Variants in CSMD3 observed in about 807,000 individuals in gnomAD.
CSMD3 encodes the protein CUB and Sushi multiple domains 3.
A neutral mutation model predicts 435.2 loss-of-function variants in CSMD3; 177 were observed. That is an observed-to-expected ratio of 0.41 (90% CI 0.36 to 0.46). CSMD3 has a LOEUF of 0.46. Among genes scored for constraint, CSMD3 ranks in the 20% least tolerant of loss-of-function variants. The pLI is 0.34. For missense variants in CSMD3, 4,265 were observed against 4,504.6 expected, an observed-to-expected ratio of 0.95 and a Z score of 1.52; for synonymous variants, 1,656 against 1,520.5, an observed-to-expected ratio of 1.09 and a Z score of -2.07.
At chr8:112,329,782 G>C (rs565484268) in intron 45 of CSMD3, among the ~76,000 whole-genome samples, 6 of 152,186 alleles carry the variant, frequency 3.9e-5, no homozygotes, top group Middle Eastern at 3.4e-3. Context: ...TAGTAATTTT[G>C]ACATGACTTT....
chr8:112,275,839 G>C (rs62514389), intron 59 of CSMD3, among the ~76,000 whole-genome samples: 29,923 of 152,084 alleles, frequency 0.2, 3,604 homozygotes, highest in East Asian at 0.36. Context: ...GATGAGATTT[G>C]GTTGGGGCTA....
chr8:112,969,272 C>T (rs916243470), intron 7 of CSMD3, among the ~76,000 whole-genome samples: 1 of 151,828 alleles, frequency 6.6e-6, no homozygotes, highest in African/African-American at 2.4e-5. Flanking sequence ...ATTATGGTAA[C>T]AATAAAAAAT....
intron 1 of CSMD3, among the ~76,000 whole-genome samples, chr8:113,316,018 C>T (rs564051437): frequency 5.9e-5 from 9 of 152,024 alleles, no homozygotes; most frequent in Non-Finnish European, 1.2e-4. Context: ...CATGCCTGGC[C>T]TCTTCAAATA....
At chr8:113,407,337 G>T (rs2094537110) in intron 1 of CSMD3, among the ~76,000 whole-genome samples, 1 of 152,092 alleles carries the variant, frequency 6.6e-6, no homozygotes, top group Non-Finnish European at 1.5e-5. Flanking sequence ...CTTTTGAACT[G>T]TACTTCACTG....
At chr8:113,251,242 A>T (rs553900935) in intron 3 of CSMD3, among the ~76,000 whole-genome samples, 170 of 152,168 alleles carry the variant, frequency 1.1e-3, no homozygotes, top group Non-Finnish European at 2.0e-3. Flanking sequence ...CTCATTCATG[A>T]TAATGGAGAA....
intron 32 of CSMD3, among the ~76,000 whole-genome samples, chr8:112,447,621 A>G (rs1276703647): frequency 6.6e-6 from 1 of 152,160 alleles, no homozygotes. Flanking sequence ...GGACCTAGCT[A>G]TCTGGAAATA....
intron 5 of CSMD3, among the ~76,000 whole-genome samples, chr8:113,062,118 T>C (rs1343547928): frequency 1.3e-5 from 2 of 151,890 alleles, no homozygotes; most frequent in African/African-American, 2.4e-5. Flanking sequence ...TTTAAAGATA[T>C]CTTGTCCACA....
intron 5 of CSMD3, among the ~76,000 whole-genome samples, chr8:113,080,500 T>C (rs922865662): frequency 6.6e-6 from 1 of 152,148 alleles, no homozygotes; most frequent in Non-Finnish European, 1.5e-5. Context: ...GAGTTATCTA[T>C]CTAACAGAGG....
intron 1 of CSMD3, among the ~76,000 whole-genome samples, chr8:113,410,730 C>T (rs566303613): frequency 9.1e-6 from 1 of 110,328 alleles, no homozygotes; most frequent in South Asian, 3.5e-4. Flanking sequence ...AGTGAGACCT[C>T]ATCTGTACTG....
chr8:113,314,816 G>T lies in CSMD3; in HGVS notation c.179-23C>A, dbSNP rs4598282. On this transcript the variant is annotated intron_variant, in intron 1 of 70. Coordinates refer to ENST00000297405, the MANE Select transcript of CSMD3 (RefSeq NM_198123.2). ...ATCCTGCAACAAAAGACAATAAACA[G>T]ACATTAATATTATATAAATCAAGAA... is the stretch of plus-strand genomic sequence containing the variant. 2.9e-5 allele frequency: 39 copies of T among 1,356,542 alleles called. 1 individual carries two copies. The South Asian group carries it at 3.5e-4, about 12-fold the overall frequency. 84.0% of individuals were successfully genotyped at this position (1,356,542 alleles called of 1,614,324 possible). A position where few individuals can be genotyped will look rare whatever the true frequency, so the allele number is the denominator to read the frequency against.
At chr8:112,818,665 T>C (rs1183983352) in intron 12 of CSMD3, among the ~76,000 whole-genome samples, 2 of 152,174 alleles carry the variant, frequency 1.3e-5, no homozygotes, top group African/African-American at 4.8e-5. Context: ...ATGGGCCCCT[T>C]CTCTGATTCT....
At chr8:112,717,562 G>A (rs1201372832) in intron 13 of CSMD3, among the ~76,000 whole-genome samples, 2 of 152,100 alleles carry the variant, frequency 1.3e-5, no homozygotes, top group African/African-American at 2.4e-5. Flanking sequence ...CCATTACTGG[G>A]TATATACCCA....
At chr8:112,699,506 G>A (rs937147136) in intron 13 of CSMD3, among the ~76,000 whole-genome samples, 2 of 152,178 alleles carry the variant, frequency 1.3e-5, no homozygotes, top group Non-Finnish European at 2.9e-5. Context: ...CCATCACAGT[G>A]GTTGTGGATT....
At position 112,519,856 on chromosome 8, in the gene CSMD3, AG is replaced by A. The variant is rs373966270; in HGVS notation, c.4565-2632del. On this transcript the variant is annotated intron_variant, in intron 27 of 70. Coordinates refer to ENST00000297405, the MANE Select transcript of CSMD3 (RefSeq NM_198123.2). ...ATCCAAGGGACATTTTTGAAATAAA[AG>A]TCATAAAGCCTTTGTAATAAAATGT... is the stretch of plus-strand genomic sequence containing the variant. Among the ~76,000 whole-genome samples, 618 of 152,278 alleles carry A rather than the reference AG, an allele frequency of 4.1e-3. 3 individuals carry two copies. The highest frequency in any genetic ancestry group is 0.014 in the African/African-American group (584 of 41,566).
chr8:112,980,307 A>G (rs968767818), intron 6 of CSMD3, among the ~76,000 whole-genome samples: 2 of 151,152 alleles, frequency 1.3e-5, no homozygotes, highest in African/African-American at 4.8e-5. Context: ...AAAAATAACT[A>G]CATATTCAAA....
At chr8:113,415,610 A>AT in intron 1 of CSMD3, among the ~76,000 whole-genome samples, 1 of 152,276 alleles carries the variant, frequency 6.6e-6, no homozygotes, top group Non-Finnish European at 1.5e-5. Context: ...TGTTGGCATA[A>AT]TTTTCCTAGC....
At chr8:112,340,421 T>G (rs923153150) in intron 42 of CSMD3, among the ~76,000 whole-genome samples, 2 of 152,166 alleles carry the variant, frequency 1.3e-5, no homozygotes, top group Non-Finnish European at 2.9e-5. Context: ...AAGACCTATC[T>G]CTATCTTAAC....
chr8:112,983,991 C>G (rs1192961814), intron 6 of CSMD3, among the ~76,000 whole-genome samples: 1 of 151,760 alleles, frequency 6.6e-6, no homozygotes, highest in African/African-American at 2.4e-5. Flanking sequence ...TATTCTGTAG[C>G]AGCAAATTAA....
chr8:112,476,008 T>C (rs1020014783), intron 31 of CSMD3, among the ~76,000 whole-genome samples: 1 of 152,176 alleles, frequency 6.6e-6, no homozygotes, highest in South Asian at 2.1e-4. Context: ...TTATAACTTA[T>C]GTAGTTAATA....
Sources: gnomAD v4.1 joint callset for allele counts (sites outside exome capture counted in the v4.1 genomes callset) on GRCh38, gnomAD v4.1.1 for gene constraint, MANE v1.5 for transcripts, NCBI Gene and HGNC (gene_info 2026-07-23, HGNC 2026-07-21) for gene names.